Variants in PARVB observed in about 807,000 individuals in gnomAD.
PARVB encodes beta-parvin.
PARVB carries 46 observed loss-of-function variants against 47.0 expected under a neutral mutation model. The ratio of observed to expected loss-of-function variants is 0.98; its 90% confidence interval spans 0.77 to 1.25. The LOEUF is 1.25. Among genes scored for constraint, PARVB ranks in the 50% most tolerant of loss-of-function variants. The pLI, the probability that PARVB is intolerant of heterozygous loss-of-function variation, is 0.00. For missense variants in PARVB, 473 were observed against 471.6 expected, an observed-to-expected ratio of 1.00 and a Z score of -0.03; for synonymous variants, 196 against 196.3, an observed-to-expected ratio of 1.00 and a Z score of 0.01.
chr22:44,146,331 T>TCACATGCACC (rs5845637), intron 8 of PARVB: 1 of 145,622 alleles, frequency 6.9e-6, no homozygotes, highest in Non-Finnish European at 1.5e-5. Flanking sequence ...ACACATGTGC[T>TCACATGCACC]CACGTGCACA....
chr22:44,158,960 T>C (rs2053994231), intron 11 of PARVB, among the ~76,000 whole-genome samples: 1 of 152,236 alleles, frequency 6.6e-6, no homozygotes, highest in South Asian at 2.1e-4. Flanking sequence ...TCTGGCACGT[T>C]GCAGTCTGTT....
intron 4 of PARVB, among the ~76,000 whole-genome samples, chr22:44,127,702 A>G (rs2147149143): frequency 8.3e-6 from 1 of 119,808 alleles, no homozygotes; most frequent in African/African-American, 3.1e-5. Flanking sequence ...AGGAGGTGAG[A>G]GGAGGAAAGA....
chr22:44,019,868 C>T (rs1017484014), upstream of PARVB, among the ~76,000 whole-genome samples: 7 of 152,188 alleles, frequency 4.6e-5, no homozygotes, highest in African/African-American at 9.7e-5. Context: ...GTCAAATATC[C>T]AATACATAGC....
chr22:44,028,949 A>G (rs79967345), intron 1 of PARVB, among the ~76,000 whole-genome samples: 4,204 of 152,252 alleles, frequency 0.028, 151 homozygotes, highest in East Asian at 0.093. Context: ...TGAAGTGTCT[A>G]TTAAGGTCAT....
intron 2 of PARVB, among the ~76,000 whole-genome samples, chr22:44,095,651 T>G (rs75300084): frequency 6.6e-6 from 1 of 152,102 alleles, no homozygotes; most frequent in Non-Finnish European, 1.5e-5. Flanking sequence ...CCTGATGTAA[T>G]GGGTAACAGC....
intron 4 of PARVB, among the ~76,000 whole-genome samples, chr22:44,123,407 G>A (rs575874746): frequency 1.1e-4 from 17 of 152,132 alleles, no homozygotes; most frequent in African/African-American, 4.1e-4. Context: ...GTGAACCTGT[G>A]GTTGCTGCAG....
chr22:44,162,769 C>T (rs1298584191), intron 11 of PARVB: 1 of 152,240 alleles, frequency 6.6e-6, no homozygotes, highest in Non-Finnish European at 1.5e-5. Context: ...TTGCCGGCAT[C>T]CCTCTGAGTG....
intron 1 of PARVB, among the ~76,000 whole-genome samples, chr22:44,074,762 G>C (rs1289601932): frequency 6.6e-6 from 1 of 152,222 alleles, no homozygotes; most frequent in African/African-American, 2.4e-5. Flanking sequence ...GTGTGGGCGT[G>C]GGGGGCAGTT....
chr22:44,006,536 A>C (rs548779242), intron 2 of PARVB, among the ~76,000 whole-genome samples: 1 of 152,316 alleles, frequency 6.6e-6, no homozygotes, highest in Admixed American at 6.5e-5. Context: ...GAGGCAGGGG[A>C]ATCACTTGAG....
chr22:44,119,383 A>G (rs1465547984), intron 4 of PARVB, among the ~76,000 whole-genome samples: 2 of 152,046 alleles, frequency 1.3e-5, no homozygotes, highest in Non-Finnish European at 2.9e-5. Flanking sequence ...AGCTTCCAAA[A>G]CTGCCTGCGG....
At chr22:44,015,291 A>C (rs1383184703) in intron 2 of PARVB, among the ~76,000 whole-genome samples, 2 of 152,068 alleles carry the variant, frequency 1.3e-5, no homozygotes, top group Non-Finnish European at 1.5e-5. Flanking sequence ...AGCAGCCCCC[A>C]AAATTATTTT....
At chr22:44,130,475 T>C (rs1336845463) in intron 4 of PARVB, among the ~76,000 whole-genome samples, 1 of 152,208 alleles carries the variant, frequency 6.6e-6, no homozygotes, top group East Asian at 1.9e-4. Flanking sequence ...GTCTCAGTAA[T>C]TGAATCTTGA....
At chr22:44,042,720 A>G (rs2051041180) in intron 1 of PARVB, among the ~76,000 whole-genome samples, 1 of 152,204 alleles carries the variant, frequency 6.6e-6, no homozygotes, top group African/African-American at 2.4e-5. Flanking sequence ...CTGTGTGTGC[A>G]GCTGGGCATT....
At chr22:44,116,524 G>A (rs1419306953) in intron 3 of PARVB, among the ~76,000 whole-genome samples, 1 of 152,222 alleles carries the variant, frequency 6.6e-6, no homozygotes, top group Non-Finnish European at 1.5e-5. Flanking sequence ...CTGGTCCGCA[G>A]TGGTGCCTAG....
chr22:44,143,349 C>G (rs1451653379), intron 8 of PARVB: 1 of 152,290 alleles, frequency 6.6e-6, no homozygotes, highest in Non-Finnish European at 1.5e-5. Context: ...ACCCACAGCC[C>G]CTGCCTTTCT....
chr22:44,076,424 C>T (rs758548148), intron 1 of PARVB, among the ~76,000 whole-genome samples: 1 of 152,260 alleles, frequency 6.6e-6, no homozygotes, highest in Admixed American at 6.5e-5. Flanking sequence ...ATCCGTTCTC[C>T]TCTCTGATCT....
At chr22:44,062,951 TG>T (rs2051447632) in intron 1 of PARVB, among the ~76,000 whole-genome samples, 1 of 152,140 alleles carries the variant, frequency 6.6e-6, no homozygotes, top group African/African-American at 2.4e-5. Context: ...AGGGTGGGGT[TG>T]GGGGGTGTGG....
At chr22:44,080,767 G>A (rs1000204077) in intron 1 of PARVB, among the ~76,000 whole-genome samples, 6 of 152,164 alleles carry the variant, frequency 3.9e-5, no homozygotes, top group Admixed American at 1.3e-4. Context: ...GTAGAGTCCC[G>A]AAACCCTGAT....
chr22:44,044,259 C>T (rs1301774366), intron 1 of PARVB, among the ~76,000 whole-genome samples: 6 of 145,654 alleles, frequency 4.1e-5, no homozygotes, highest in African/African-American at 1.3e-4. Context: ...GGCCCGATCT[C>T]GGCTCACTGT....
Sources: allele counts gnomAD v4.1 joint callset (sites outside exome capture counted in the v4.1 genomes callset), GRCh38; gene constraint gnomAD v4.1.1; transcripts MANE v1.5; gene names NCBI Gene and HGNC (gene_info 2026-07-23, HGNC 2026-07-21).